L3MBTL4: variants seen among roughly 807,000 people sequenced by gnomAD.
L3MBTL4 encodes L3MBTL histone methyl-lysine binding protein 4.
A neutral mutation model predicts 84.5 loss-of-function variants in L3MBTL4; 70 were observed. The ratio of observed to expected loss-of-function variants is 0.83; its 90% confidence interval spans 0.68 to 1.01. L3MBTL4 has a LOEUF of 1.01. Ranked by LOEUF, L3MBTL4 falls within the 50% of genes least tolerant of loss-of-function variation. The pLI, the probability that L3MBTL4 is intolerant of heterozygous loss-of-function variation, is 0.00. For synonymous variants in L3MBTL4, 274 were observed against 259.8 expected, an observed-to-expected ratio of 1.05 and a Z score of -0.52; for missense variants, 715 against 754.8, an observed-to-expected ratio of 0.95 and a Z score of 0.62.
At chr18:6,091,786 G>A (rs2058467015) in intron 15 of L3MBTL4, among the ~76,000 whole-genome samples, 1 of 152,118 alleles carries the variant, frequency 6.6e-6, no homozygotes, top group African/African-American at 2.4e-5. Flanking sequence ...GAGGATGAAT[G>A]TCTAAAATAT....
chr18:6,127,702 G>A (rs922712542), intron 14 of L3MBTL4, among the ~76,000 whole-genome samples: 1 of 152,178 alleles, frequency 6.6e-6, no homozygotes, highest in African/African-American at 2.4e-5. Flanking sequence ...CCAAGAGTCT[G>A]CAGATAGAGG....
chr18:6,201,651 C>G (rs190779283), intron 12 of L3MBTL4, among the ~76,000 whole-genome samples: 1 of 152,170 alleles, frequency 6.6e-6, no homozygotes, highest in East Asian at 1.9e-4. Flanking sequence ...TAAGGGATTA[C>G]AGAGAGACTC....
chr18:6,092,610 C>T (rs2058498322), intron 15 of L3MBTL4, among the ~76,000 whole-genome samples: 1 of 152,218 alleles, frequency 6.6e-6, no homozygotes, highest in South Asian at 2.1e-4. Context: ...TCTGTCTAGC[C>T]TTTCTTGGCT....
At chr18:6,203,189 C>T (rs999724907) in intron 12 of L3MBTL4, among the ~76,000 whole-genome samples, 1 of 152,010 alleles carries the variant, frequency 6.6e-6, no homozygotes, top group Admixed American at 6.6e-5. Flanking sequence ...ACAATGAGGT[C>T]GAAGAAAACA....
intron 1 of L3MBTL4, among the ~76,000 whole-genome samples, chr18:6,407,287 C>G (rs142138062): frequency 1.3e-5 from 2 of 152,322 alleles, no homozygotes; most frequent in African/African-American, 4.8e-5. Flanking sequence ...GTCTGTTAAC[C>G]TTAACAGTTC....
chr18:6,036,917 T>C (rs1332669358), intron 16 of L3MBTL4, among the ~76,000 whole-genome samples: 1 of 152,178 alleles, frequency 6.6e-6, no homozygotes, highest in Non-Finnish European at 1.5e-5. Context: ...TCCATACACA[T>C]GGTTGCTTTT....
rs536335197 is a variant in L3MBTL4, at chr18:5,975,099, C to G, written c.1445-5537G>C. 1.2e-4 allele frequency among the ~76,000 whole-genome samples: 18 copies of G among 152,260 alleles called. No homozygotes were observed. The South Asian group carries it at 3.7e-3, about 32-fold the overall frequency. ...CTCACCCATCCTTCCCACCTCTGCT[C>G]TACCCTGACAAATGAGAAGGAAAAT... On this transcript the variant is annotated intron_variant, in intron 16 of 18. Transcript: ENST00000317931.
At chr18:6,162,514 C>G (rs1340785461) in intron 13 of L3MBTL4, among the ~76,000 whole-genome samples, 1 of 152,132 alleles carries the variant, frequency 6.6e-6, no homozygotes, top group South Asian at 2.1e-4. Context: ...TTGTATAGAT[C>G]TACTTACAAA....
intron 16 of L3MBTL4, among the ~76,000 whole-genome samples, chr18:5,985,825 A>G (rs940415639): frequency 3.3e-5 from 5 of 152,156 alleles, no homozygotes; most frequent in African/African-American, 1.2e-4. Flanking sequence ...AACAGAGATC[A>G]CACACAGTAG....
At chr18:5,995,199 G>T (rs1406139204) in intron 16 of L3MBTL4, among the ~76,000 whole-genome samples, 1 of 152,246 alleles carries the variant, frequency 6.6e-6, no homozygotes, top group Non-Finnish European at 1.5e-5. Flanking sequence ...GCCATGCAGG[G>T]ATACTGCAAG....
rs567961478 is a variant in L3MBTL4 at position 6,257,496 on chromosome 18, C to A, written c.219+6451G>T. ...AAAGAGAAAATGCAGTCTAAAATTT[C>A]AAGAAGCCAGTCTGGACTAAGGAGA... On this transcript the variant is annotated intron_variant, in intron 5 of 18. Transcript: ENST00000317931. 5.3e-5 allele frequency among the ~76,000 whole-genome samples: 8 copies of A among 152,196 alleles called. No individual in the cohort carries two copies. The South Asian group carries it at 1.7e-3, about 32-fold the overall frequency.
At chr18:6,281,253 A>G (rs1223055499) in intron 4 of L3MBTL4, among the ~76,000 whole-genome samples, 1 of 152,114 alleles carries the variant, frequency 6.6e-6, no homozygotes, top group African/African-American at 2.4e-5. Context: ...TCTGATTTGA[A>G]CTCAGGTTCA....
intron 1 of L3MBTL4, among the ~76,000 whole-genome samples, chr18:6,374,810 T>G (rs1170135250): frequency 6.6e-6 from 1 of 152,080 alleles, no homozygotes; most frequent in Admixed American, 6.5e-5. Flanking sequence ...ACACTGCCAC[T>G]TCTATTACTG....
At chr18:6,081,952 T>C (rs887104502) in intron 15 of L3MBTL4, among the ~76,000 whole-genome samples, 4 of 152,172 alleles carry the variant, frequency 2.6e-5, no homozygotes, top group Admixed American at 1.3e-4. Context: ...GACTTTACCA[T>C]AGGTCCTACA....
At chr18:6,196,093 C>T (rs898442313) in intron 12 of L3MBTL4, among the ~76,000 whole-genome samples, 71 of 151,948 alleles carry the variant, frequency 4.7e-4, no homozygotes, top group African/African-American at 1.7e-3. Context: ...ACCAACAGCT[C>T]CACTGATATC....
chr18:5,959,664 A>T (rs1369705860), intron 18 of L3MBTL4, among the ~76,000 whole-genome samples: 1 of 152,136 alleles, frequency 6.6e-6, no homozygotes, highest in African/African-American at 2.4e-5. Context: ...CCCAGGTGCA[A>T]TCCCAAGGGA....
intron 13 of L3MBTL4, among the ~76,000 whole-genome samples, chr18:6,140,107 A>G (rs1411982665): frequency 6.6e-6 from 1 of 152,164 alleles, no homozygotes; most frequent in Non-Finnish European, 1.5e-5. Flanking sequence ...CTTTGCTTCT[A>G]AAGCCCCACC....
intron 12 of L3MBTL4, among the ~76,000 whole-genome samples, chr18:6,176,331 A>G (rs2044224261): frequency 6.6e-6 from 1 of 152,222 alleles, no homozygotes; most frequent in Non-Finnish European, 1.5e-5. Flanking sequence ...AGTTATTAGG[A>G]CCATGTTGTA....
intron 1 of L3MBTL4, among the ~76,000 whole-genome samples, chr18:6,334,522 A>G (rs1319991223): frequency 6.6e-6 from 1 of 152,234 alleles, no homozygotes; most frequent in East Asian, 1.9e-4. Context: ...TAATAAAAAT[A>G]TGTTTAAAAA....
Sources: allele counts gnomAD v4.1 joint callset (sites outside exome capture counted in the v4.1 genomes callset), GRCh38; gene constraint gnomAD v4.1.1; transcripts MANE v1.5; gene names NCBI Gene and HGNC (gene_info 2026-07-23, HGNC 2026-07-21).